Variants in NRXN1 observed in about 807,000 individuals in gnomAD.
NRXN1 encodes the protein neurexin-1.
NRXN1 carries 39 observed loss-of-function variants against 150.9 expected under a neutral mutation model. The observed-to-expected ratio is 0.26, with a 90% CI of 0.20 to 0.34. The LOEUF (loss-of-function observed/expected upper bound fraction) is 0.34, where lower values mean the gene tolerates loss of function less well. Ranked by LOEUF, NRXN1 falls within the 10% of genes least tolerant of loss-of-function variation. The probability of loss-of-function intolerance (pLI) is 1.00; values close to 1 mark genes in which losing one functional copy is unlikely to be tolerated. For synonymous variants in NRXN1, 924 were observed against 757.0 expected (o/e 1.22, Z -3.62); for missense variants, 1,815 against 1,949.9 (o/e 0.93, Z 1.30).
chr2:49,925,785 G>C lies in NRXN1; in HGVS notation c.4217-3534C>G, dbSNP rs979383321. 2.0e-5 allele frequency among the ~76,000 whole-genome samples: 3 copies of C among 151,952 alleles called. No individual in the cohort carries two copies. In the East Asian group the frequency reaches 5.8e-4, roughly 29 times the overall value. On this transcript the variant is annotated intron_variant, in intron 22 of 22. Coordinates refer to ENST00000401669, the MANE Select transcript of NRXN1 (RefSeq NM_001330078.2). ...CTTTTCTTTCTTTGTCCCAGCACGTGACAAAGAAACAAGTGAAAGAGAATA... is the reference window on the plus strand; with the variant it reads ...CTTTTCTTTCTTTGTCCCAGCACGTCACAAAGAAACAAGTGAAAGAGAATA...
chr2:50,180,479 C>G (rs1455070375), intron 18 of NRXN1, among the ~76,000 whole-genome samples: 2 of 152,084 alleles, frequency 1.3e-5, no homozygotes, highest in African/African-American at 4.8e-5. Flanking sequence ...CCCAGTGTAA[C>G]AGTGTTGGGA....
intron 21 of NRXN1, among the ~76,000 whole-genome samples, chr2:50,049,166 C>A (rs929225264): frequency 1.3e-5 from 2 of 152,116 alleles, no homozygotes; most frequent in Non-Finnish European, 2.9e-5. Flanking sequence ...AAATGGCATA[C>A]TTTTGAGAGT....
chr2:50,512,983 C>T (rs751821004), intron 12 of NRXN1, among the ~76,000 whole-genome samples: 1 of 152,000 alleles, frequency 6.6e-6, no homozygotes, highest in Non-Finnish European at 1.5e-5. Context: ...AAAGCTTGAA[C>T]TTGGTTGAGA....
intron 5 of NRXN1, among the ~76,000 whole-genome samples, chr2:50,868,152 TA>T: frequency 2.0e-5 from 1 of 49,128 alleles, no homozygotes; most frequent in South Asian, 7.3e-4. Context: ...TATATATATA[TA>T]TATATATATA....
intron 21 of NRXN1, among the ~76,000 whole-genome samples, chr2:50,051,924 GA>G: frequency 6.6e-6 from 1 of 152,140 alleles, no homozygotes; most frequent in Admixed American, 6.5e-5. Flanking sequence ...AGAAAAGAGA[GA>G]AAAATGAAAA....
chr2:50,870,774 T>C (rs939229520), intron 5 of NRXN1, among the ~76,000 whole-genome samples: 3 of 151,872 alleles, frequency 2.0e-5, no homozygotes, highest in African/African-American at 4.8e-5. Context: ...CACATCCCTT[T>C]TGCAGGATGT....
At chr2:50,372,651 C>G (rs943649091) in intron 17 of NRXN1, among the ~76,000 whole-genome samples, 3 of 152,088 alleles carry the variant, frequency 2.0e-5, no homozygotes, top group Non-Finnish European at 4.4e-5. Flanking sequence ...CAGAAAAATG[C>G]TCACCAGATT....
intron 21 of NRXN1, among the ~76,000 whole-genome samples, chr2:50,009,939 G>A (rs1045505641): frequency 6.6e-6 from 1 of 151,960 alleles, no homozygotes; most frequent in Non-Finnish European, 1.5e-5. Context: ...GAGCTCTGAG[G>A]CATAATCTAG....
chr2:50,973,279 C>G (rs932835747), intron 2 of NRXN1, among the ~76,000 whole-genome samples: 1 of 152,148 alleles, frequency 6.6e-6, no homozygotes, highest in Admixed American at 6.6e-5. Flanking sequence ...CTCAAAGACA[C>G]TGGCAAACAC....
intron 21 of NRXN1, among the ~76,000 whole-genome samples, chr2:49,990,207 C>A (rs1253729325): frequency 1.3e-5 from 2 of 151,896 alleles, no homozygotes; most frequent in African/African-American, 4.8e-5. Context: ...TCAGAAGGAG[C>A]CAACATATGA....
chr2:50,762,123 AC>A (rs1701872097), intron 5 of NRXN1, among the ~76,000 whole-genome samples: 1 of 2,366 alleles, frequency 4.2e-4, no homozygotes, highest in Non-Finnish European at 1.1e-3. Context: ...ATATGTGTAT[AC>A]ACACACACAC....
chr2:50,120,023 G>T (rs1032655415), intron 18 of NRXN1, among the ~76,000 whole-genome samples: 1 of 152,152 alleles, frequency 6.6e-6, no homozygotes, highest in African/African-American at 2.4e-5. Flanking sequence ...CTGGACTTCA[G>T]CAAATGTTCT....
intron 5 of NRXN1, among the ~76,000 whole-genome samples, chr2:50,847,015 T>G (rs1184542466): frequency 6.6e-6 from 1 of 152,176 alleles, no homozygotes; most frequent in Non-Finnish European, 1.5e-5. Context: ...AGAAACTTAG[T>G]AAGACCTGTC....
intron 5 of NRXN1, among the ~76,000 whole-genome samples, chr2:50,715,098 A>G (rs1053593747): frequency 2.0e-5 from 3 of 152,142 alleles, no homozygotes; most frequent in South Asian, 4.1e-4. Context: ...CAATGCAAAA[A>G]TTTATATTAA....
intron 5 of NRXN1, among the ~76,000 whole-genome samples, chr2:50,904,213 T>C (rs1242040771): frequency 6.6e-6 from 1 of 152,168 alleles, no homozygotes; most frequent in East Asian, 1.9e-4. Context: ...CTGAAATACA[T>C]GAGACAAGTT....
chr2:50,222,549 TA>T (rs2152859782), intron 18 of NRXN1, among the ~76,000 whole-genome samples: 1 of 152,118 alleles, frequency 6.6e-6, no homozygotes, highest in East Asian at 1.9e-4. Flanking sequence ...AATATGCTTT[TA>T]CACATGTGAA....
At chr2:50,927,878 TA>T (rs1308555228) in intron 2 of NRXN1, among the ~76,000 whole-genome samples, 1 of 149,876 alleles carries the variant, frequency 6.7e-6, no homozygotes, top group Non-Finnish European at 1.5e-5. Context: ...AAACTACAAT[TA>T]AAAAAAAAGG....
At chr2:50,501,424 T>TGTGTGC (rs1251166595) in intron 13 of NRXN1, among the ~76,000 whole-genome samples, 2 of 151,768 alleles carry the variant, frequency 1.3e-5, no homozygotes, top group African/African-American at 4.8e-5. Flanking sequence ...TGTGTGTGTG[T>TGTGTGC]GTTTATTCCC....
At chr2:50,133,721 A>C (rs912052378) in intron 18 of NRXN1, among the ~76,000 whole-genome samples, 20 of 152,164 alleles carry the variant, frequency 1.3e-4, no homozygotes, top group African/African-American at 4.8e-4. Context: ...ATAAATACTC[A>C]AGAAATCATA....
Sources: gnomAD v4.1 joint callset for allele counts (sites outside exome capture counted in the v4.1 genomes callset) on GRCh38, gnomAD v4.1.1 for gene constraint, MANE v1.5 for transcripts, NCBI Gene and HGNC (gene_info 2026-07-23, HGNC 2026-07-21) for gene names.